The following DNAH5 variants were observed in gnomAD, a reference collection of about 807,000 sequenced individuals.
DNAH5 encodes axonemal beta dynein heavy chain 5.
DNAH5 carries 372 observed loss-of-function variants against 518.2 expected under a neutral mutation model. The ratio of observed to expected loss-of-function variants is 0.72; its 90% CI spans 0.66 to 0.78. DNAH5 has a LOEUF of 0.78. Ranked by LOEUF, DNAH5 falls within the 30% of genes least tolerant of loss-of-function variation. DNAH5 has a pLI of 0.00. For synonymous variants in DNAH5, 2,039 were observed against 2,025.9 expected (o/e 1.01, Z -0.17); for missense variants, 5,523 against 5,687.0 (o/e 0.97, Z 0.93).
At chr5:13,794,668 A>C (rs571700837) in intron 47 of DNAH5, among the ~76,000 whole-genome samples, 5 of 152,202 alleles carry the variant, frequency 3.3e-5, no homozygotes, top group African/African-American at 1.2e-4. Flanking sequence ...TGCACTCTGT[A>C]AAAAACCTTC....
intron 19 of DNAH5, among the ~76,000 whole-genome samples, chr5:13,883,691 CTT>C (rs1443927132): frequency 6.6e-6 from 1 of 152,132 alleles, no homozygotes; most frequent in Non-Finnish European, 1.5e-5. Flanking sequence ...TCATGCATAA[CTT>C]TACGTAGTTG....
Position 13,694,921 on chromosome 5 carries a change from A to T in DNAH5, c.13724-2786T>A, listed in dbSNP as rs117168606. Among the ~76,000 whole-genome samples the T allele has an allele frequency of 2.6e-4, 39 of 152,338 alleles. No individual in the cohort carries two copies. In the East Asian group the frequency reaches 7.5e-3, roughly 29 times the overall value. ...ATAACAGTGTCAGTTTAATTCTCTC[A>T]ATAATCCTATATGATGGGTACTAAT... On this transcript the variant is annotated intron_variant, in intron 78 of 78. Coordinates refer to ENST00000265104, the MANE Select transcript of DNAH5 (RefSeq NM_001369.3).
chr5:13,973,151 TTGA>T (rs1781999066), intron 1 of DNAH5, among the ~76,000 whole-genome samples: 1 of 151,958 alleles, frequency 6.6e-6, no homozygotes, highest in Non-Finnish European at 1.5e-5. Context: ...CAGAGAAAAG[TTGA>T]TGTGATAAAA....
intron 60 of DNAH5, among the ~76,000 whole-genome samples, chr5:13,761,592 C>CAAAAA (rs34662456): frequency 8.9e-5 from 12 of 135,148 alleles, no homozygotes; most frequent in African/African-American, 2.5e-4. Context: ...GACTCCGTCT[C>CAAAAA]AAAAAAAAAA....
At chr5:13,794,747 C>T (rs1757561307) in intron 47 of DNAH5, among the ~76,000 whole-genome samples, 1 of 152,078 alleles carries the variant, frequency 6.6e-6, no homozygotes, top group Non-Finnish European at 1.5e-5. Context: ...GGGCAGATCA[C>T]GAGGTCAGGA....
chr5:13,929,011 G>C (rs1299473461), intron 2 of DNAH5, among the ~76,000 whole-genome samples: 1 of 152,186 alleles, frequency 6.6e-6, no homozygotes, highest in Non-Finnish European at 1.5e-5. Context: ...CCAAAGAATT[G>C]AAAGCGGGCT....
At chr5:13,913,477 C>A (rs372419346) in intron 11 of DNAH5, among the ~76,000 whole-genome samples, 2 of 152,132 alleles carry the variant, frequency 1.3e-5, no homozygotes, top group South Asian at 2.1e-4. Flanking sequence ...TTTTCTTGTG[C>A]TACTAATGAA....
In DNAH5 at chr5:13,919,400, C is replaced by CTAG. The variant is rs749463792; in HGVS notation, c.799-49_799-48insCTA. On this transcript the variant is annotated intron_variant, in intron 6 of 78. Transcript: ENST00000265104. ...ACGAGCCATTGCACGGGGCTGGAGA[C>CTAG]GCTAAAGTTATAAACAAGCAAAAAA... 11 of 1,601,454 alleles carry CTAG rather than the reference C, an allele frequency of 6.9e-6. 1 individual carries two copies. The South Asian group carries it at 1.2e-4, about 18-fold the overall frequency.
intron 49 of DNAH5, 74 bp from the exon 50 acceptor site, chr5:13,792,291 A>G: frequency 1.5e-6 from 2 of 1,311,084 alleles, no homozygotes; most frequent in Non-Finnish European, 2.2e-6. Flanking sequence ...GCATTATAGC[A>G]TAGGGTTTGC....
chr5:13,714,713 G>T, intron 74 of DNAH5, 93 bp from the exon 75 acceptor site: 1 of 1,201,160 alleles, frequency 8.3e-7, no homozygotes, highest in Non-Finnish European at 1.2e-6. Context: ...TTCTATGAGG[G>T]TATGCATTTA....
intron 43 of DNAH5, 96 bp from the exon 44 acceptor site, chr5:13,811,919 T>G: frequency 9.9e-7 from 1 of 1,007,518 alleles, no homozygotes; most frequent in South Asian, 1.3e-5. Context: ...CTGTTAATAA[T>G]GATAATATCT....
rs139093001 is a variant in DNAH5, at chr5:13,834,894, G to A, written c.5883-4119C>T. ...AGAAGGAACCATGGGAGAAGTTTTGGGGCAAAGGATCTGACTTACATTCTG... is the reference window on the plus strand; with the variant it reads ...AGAAGGAACCATGGGAGAAGTTTTGAGGCAAAGGATCTGACTTACATTCTG... On this transcript the variant is annotated intron_variant, in intron 35 of 78. Transcript: ENST00000265104. 5.3e-3 allele frequency among the ~76,000 whole-genome samples: 811 copies of A among 152,310 alleles called. 13 individuals are homozygous for A. The highest frequency in any genetic ancestry group is 0.032 in the South Asian group (156 of 4,820).
At chr5:13,946,676 G>C (rs1779951470), upstream of DNAH5, among the ~76,000 whole-genome samples, 1 of 152,218 alleles carries the variant, frequency 6.6e-6, no homozygotes, top group Non-Finnish European at 1.5e-5. Flanking sequence ...CGTCTGTGCG[G>C]ATAGTACACC....
chr5:13,816,036 A>G (rs972678), intron 42 of DNAH5, among the ~76,000 whole-genome samples: 23,090 of 152,134 alleles, frequency 0.15, 1,840 homozygotes, highest in Admixed American at 0.19. Flanking sequence ...AGCTAGCAGG[A>G]TGAGGAATCC....
Position 13,829,503 on chromosome 5 carries a change from G to A in DNAH5, c.6444+7C>T, listed in dbSNP as rs1219427450. The A allele has an allele frequency of 1.2e-6, 2 of 1,613,826 alleles. No individual in the cohort carries two copies. Among genetic ancestry groups the A allele is most frequent in the Admixed American group, 3.3e-5 (2 of 59,994 alleles). ...CCTAAGTGCATAAGACCTCCAGGAT[G>A]ACACACCTGCTTAGAAAGCTGCTCC... On this transcript the variant is annotated splice_region_variant and intron_variant, in intron 38 of 78. Coordinates refer to ENST00000265104, the MANE Select transcript of DNAH5 (RefSeq NM_001369.3).
chr5:13,788,574 T>G, intron 51 of DNAH5, 142 bp downstream of exon 51: 2 of 708,768 alleles, frequency 2.8e-6, no homozygotes, highest in Non-Finnish European at 4.9e-6. Flanking sequence ...CTAGTTTTAT[T>G]GAGCATCTAC....
chr5:14,008,887 T>C (rs1275410136), intron 1 of DNAH5, among the ~76,000 whole-genome samples: 1 of 152,184 alleles, frequency 6.6e-6, no homozygotes, highest in East Asian at 1.9e-4. Flanking sequence ...AAAGAAAGCG[T>C]TCATTCCACC....
intron 76 of DNAH5, among the ~76,000 whole-genome samples, chr5:13,703,430 C>A (rs949960694): frequency 1.3e-5 from 2 of 152,156 alleles, no homozygotes; most frequent in Non-Finnish European, 2.9e-5. Flanking sequence ...ATGATTTGAA[C>A]CTGGGTATTC....
intron 65 of DNAH5, among the ~76,000 whole-genome samples, chr5:13,747,672 G>A (rs1749583627): frequency 6.6e-6 from 1 of 152,148 alleles, no homozygotes. Flanking sequence ...TCTGTTGGCT[G>A]CATAAATGTC....
Sources: gnomAD v4.1 joint callset for allele counts (sites outside exome capture counted in the v4.1 genomes callset) on GRCh38, gnomAD v4.1.1 for gene constraint, MANE v1.5 for transcripts, NCBI Gene and HGNC (gene_info 2026-07-23, HGNC 2026-07-21) for gene names.